ASIC2: variants seen among roughly 807,000 people sequenced by gnomAD.
ASIC2 encodes acid-sensing ion channel 2.
Under a neutral mutation model 57.3 loss-of-function variants are expected in ASIC2, and 25 were observed. That is an observed-to-expected ratio of 0.44 (90% CI 0.32 to 0.61). ASIC2 has a LOEUF of 0.61. Ranked by LOEUF, ASIC2 falls within the 20% of genes least tolerant of loss-of-function variation. The probability of loss-of-function intolerance (pLI) is 0.06; values close to 1 mark genes in which losing one functional copy is unlikely to be tolerated. For synonymous variants in ASIC2, 319 were observed against 307.5 expected (o/e 1.04, Z -0.39); for missense variants, 641 against 738.1 (o/e 0.87, Z 1.52).
chr17:33,969,991 G>A (rs753474076), intron 1 of ASIC2, among the ~76,000 whole-genome samples: 1 of 152,112 alleles, frequency 6.6e-6, no homozygotes, highest in Admixed American at 6.5e-5. Flanking sequence ...CACAGCTGCC[G>A]GTACCATTAG....
At chr17:33,853,750 G>T (rs538430315) in intron 1 of ASIC2, among the ~76,000 whole-genome samples, 1 of 152,320 alleles carries the variant, frequency 6.6e-6, no homozygotes, top group Admixed American at 6.5e-5. Flanking sequence ...TGAGGGTCTA[G>T]CACCGAGCTT....
chr17:33,324,560 GA>G (rs1906993565), intron 1 of ASIC2, among the ~76,000 whole-genome samples: 1 of 152,166 alleles, frequency 6.6e-6, no homozygotes, highest in Admixed American at 6.5e-5. Flanking sequence ...AACCTACCTA[GA>G]TCTGTGTGTA....
intron 1 of ASIC2, among the ~76,000 whole-genome samples, chr17:33,672,170 C>G (rs566539953): frequency 6.6e-6 from 1 of 152,192 alleles, no homozygotes; most frequent in African/African-American, 2.4e-5. Flanking sequence ...TTCACACACT[C>G]CATTAATGCT....
intron 1 of ASIC2, among the ~76,000 whole-genome samples, chr17:34,128,268 T>C (rs945897422): frequency 6.6e-6 from 1 of 152,150 alleles, no homozygotes; most frequent in Non-Finnish European, 1.5e-5. Flanking sequence ...GGGATTCCAC[T>C]CTGCCACACC....
chr17:33,683,175 C>A (rs1195520734), intron 1 of ASIC2, among the ~76,000 whole-genome samples: 3 of 152,184 alleles, frequency 2.0e-5, no homozygotes, highest in Non-Finnish European at 4.4e-5. Flanking sequence ...TCATGCCATT[C>A]TCTTGCCTCA....
rs1172352757 is a variant in ASIC2, at chr17:33,443,625, C to T, written c.556-331558G>A. On this transcript the variant is annotated intron_variant, in intron 1 of 9. Coordinates refer to the ASIC2 transcript ENST00000359872. ...TAGAGACGGGGTTTCACCGTTTTAG[C>T]CGGGATGGTCTCGATCTCCTGACCT... Among the ~76,000 whole-genome samples, 10 of 150,874 alleles carry T rather than the reference C, an allele frequency of 6.6e-5. No homozygotes were observed. In the East Asian group the frequency reaches 1.2e-3, roughly 18 times the overall value.
intron 1 of ASIC2, among the ~76,000 whole-genome samples, chr17:34,134,994 C>A (rs1202307945): frequency 6.6e-6 from 1 of 152,220 alleles, no homozygotes; most frequent in Non-Finnish European, 1.5e-5. Context: ...CTATAGCCAA[C>A]CACAGGTCAT....
chr17:33,938,283 C>G (rs929944253), intron 1 of ASIC2, among the ~76,000 whole-genome samples: 2 of 152,116 alleles, frequency 1.3e-5, no homozygotes, highest in Non-Finnish European at 2.9e-5. Context: ...GCTGGGGGCT[C>G]CCTCCTTATC....
intron 1 of ASIC2, among the ~76,000 whole-genome samples, chr17:34,022,266 T>TC (rs1907194432): frequency 6.6e-6 from 1 of 152,160 alleles, no homozygotes; most frequent in Non-Finnish European, 1.5e-5. Context: ...CACTTGCAGT[T>TC]CCCAGCATTC....
At chr17:33,954,168 G>T (rs1597947312) in intron 1 of ASIC2, among the ~76,000 whole-genome samples, 1 of 150,820 alleles carries the variant, frequency 6.6e-6, no homozygotes, top group East Asian at 1.9e-4. Context: ...ATCTGACACT[G>T]TTGCCTACCC....
intron 1 of ASIC2, among the ~76,000 whole-genome samples, chr17:33,220,944 C>T (rs556713855): frequency 5.1e-4 from 77 of 152,108 alleles, no homozygotes; most frequent in Middle Eastern, 3.4e-3. Flanking sequence ...TGGTGGTGCA[C>T]GCCTGTAGTC....
intron 1 of ASIC2, among the ~76,000 whole-genome samples, chr17:33,567,583 C>T (rs1372011906): frequency 2.0e-5 from 3 of 152,072 alleles, no homozygotes; most frequent in Non-Finnish European, 2.9e-5. Context: ...GAGGGAGAAG[C>T]GTGGCAGGCC....
chr17:33,166,426 T>G (rs1905308256), intron 1 of ASIC2, among the ~76,000 whole-genome samples: 1 of 152,228 alleles, frequency 6.6e-6, no homozygotes, highest in African/African-American at 2.4e-5. Context: ...AAAGGACAGT[T>G]GGGACCAAGT....
At chr17:34,028,498 G>A (rs371622241) in intron 1 of ASIC2, among the ~76,000 whole-genome samples, 4 of 151,924 alleles carry the variant, frequency 2.6e-5, no homozygotes, top group Non-Finnish European at 4.4e-5. Context: ...AAGGCATTAT[G>A]CTCGAGTCAA....
chr17:33,156,821 G>T (rs1189315378), intron 1 of ASIC2, among the ~76,000 whole-genome samples: 1 of 152,106 alleles, frequency 6.6e-6, no homozygotes, highest in African/African-American at 2.4e-5. Context: ...AGCCAGAACT[G>T]ATTAAATCAG....
chr17:33,256,242 C>T (rs950440933), intron 1 of ASIC2, among the ~76,000 whole-genome samples: 1 of 151,646 alleles, frequency 6.6e-6, no homozygotes, highest in Non-Finnish European at 1.5e-5. Context: ...GGGCTTGTTA[C>T]AGAGCAATGA....
intron 1 of ASIC2, among the ~76,000 whole-genome samples, chr17:33,469,336 T>C (rs1912966288): frequency 6.6e-6 from 1 of 152,080 alleles, no homozygotes; most frequent in Admixed American, 6.5e-5. Flanking sequence ...GCAGAGACCA[T>C]GAGGAATGGG....
At chr17:33,019,560 G>A (rs570698391) in intron 7 of ASIC2, among the ~76,000 whole-genome samples, 1 of 152,108 alleles carries the variant, frequency 6.6e-6, no homozygotes, top group South Asian at 2.1e-4. Flanking sequence ...GCGTGCACGT[G>A]CATGGACACC....
chr17:33,612,335 A>C (rs77808763), intron 1 of ASIC2, among the ~76,000 whole-genome samples: 9,509 of 152,258 alleles, frequency 0.062, 347 homozygotes, highest in Non-Finnish European at 0.089. Context: ...TTTTACCAGG[A>C]GTGGGTAGAA....
Sources: gnomAD v4.1 joint callset for allele counts (sites outside exome capture counted in the v4.1 genomes callset) on GRCh38, gnomAD v4.1.1 for gene constraint, MANE v1.5 for transcripts, NCBI Gene and HGNC (gene_info 2026-07-23, HGNC 2026-07-21) for gene names.